Variants in QRFPR observed in about 807,000 individuals in gnomAD.
The protein encoded by QRFPR is pyroglutamylated RFamide peptide receptor, also known as pyroglutamylated RF-amide peptide receptor.
Under a neutral mutation model 31.3 loss-of-function variants are expected in QRFPR, and 37 were observed. That is an observed-to-expected ratio of 1.18 (90% confidence interval 0.91 to 1.56). The LOEUF is 1.56. Ranked by LOEUF, QRFPR falls within the 40% of genes most tolerant of loss-of-function variation. The pLI, the probability that QRFPR is intolerant of heterozygous loss-of-function variation, is 0.00. For missense variants in QRFPR, 542 were observed against 532.5 expected (o/e 1.02, Z -0.18); for synonymous variants, 197 against 192.0 (o/e 1.03, Z -0.22).
chr4:121,331,163 G>C (rs368877796), intron 4 of QRFPR, among the ~76,000 whole-genome samples: 10 of 139,034 alleles, frequency 7.2e-5, no homozygotes, highest in African/African-American at 2.4e-4. Context: ...ATATCTATAC[G>C]ATATATCTTG....
chr4:121,334,801 A>T (rs1394165588), intron 3 of QRFPR, among the ~76,000 whole-genome samples: 3 of 152,234 alleles, frequency 2.0e-5, no homozygotes, highest in Non-Finnish European at 1.5e-5. Context: ...AGCGGCAGTG[A>T]GAAATGCTGA....
At chr4:121,365,665 T>TATATATATTATATATATA (rs1560744329) in intron 1 of QRFPR, among the ~76,000 whole-genome samples, 45 of 19,020 alleles carry the variant, frequency 2.4e-3, no homozygotes, top group Non-Finnish European at 3.1e-3. Context: ...TTATATATAT[T>TATATATATTATATATATA]TTATATATTA....
chr4:121,365,635 TA>T (rs1726117361), intron 1 of QRFPR, among the ~76,000 whole-genome samples: 2 of 28,992 alleles, frequency 6.9e-5, no homozygotes, highest in South Asian at 1.3e-3. Context: ...ATATTATATA[TA>T]TATTTTATAT....
chr4:121,370,178 C>T (rs1338022540), intron 1 of QRFPR: 1 of 770,574 alleles, frequency 1.3e-6, no homozygotes, highest in African/African-American at 1.7e-5. Flanking sequence ...AAATCACTGG[C>T]TTCCAAGGGA....
In QRFPR at chr4:121,380,811, G is replaced by C; in HGVS notation, c.-164C>G. The C allele has an allele frequency of 1.6e-6, 1 of 618,488 alleles. No individual in the cohort carries two copies. Among genetic ancestry groups the C allele is most frequent in the South Asian group, 2.1e-5 (1 of 46,932 alleles). The allele number at this position is 618,488 out of a possible 1,614,324, so 38.3% of individuals were successfully genotyped here. A position where few individuals can be genotyped will look rare whatever the true frequency, so the allele number is the denominator to read the frequency against. On this transcript the variant is annotated 5_prime_UTR_variant, in exon 1 of 6. Transcript: ENST00000394427. ...CTAGGCTGCACCCCGGGAGGTTCGG[G>C]AAAGGAGAGCAGCTCAGGGATCAAA... is the stretch of plus-strand genomic sequence containing the variant.
intron 1 of QRFPR, among the ~76,000 whole-genome samples, chr4:121,365,599 TATAA>T (rs1438833839): frequency 0.041 from 314 of 7,684 alleles, 26 homozygotes; most frequent in Non-Finnish European, 0.047. Flanking sequence ...ATTATATATA[TATAA>T]TATATATATT....
At chr4:121,352,398 G>A (rs1003380209) in intron 1 of QRFPR, among the ~76,000 whole-genome samples, 2 of 151,898 alleles carry the variant, frequency 1.3e-5, no homozygotes, top group African/African-American at 4.8e-5. Flanking sequence ...TCCAAGCACT[G>A]CATCTCAAAA....
At chr4:121,331,847 T>C (rs1725333457) in intron 4 of QRFPR, among the ~76,000 whole-genome samples, 2 of 151,948 alleles carry the variant, frequency 1.3e-5, no homozygotes, top group Non-Finnish European at 2.9e-5. Context: ...GAGACAGAGT[T>C]TCACCATGTC....
rs150024315 is a variant in QRFPR at position 121,380,423 on chromosome 4, G to A, written c.225C>T (p.Ala75=). 1,417 of 1,614,232 alleles carry A rather than the reference G, an allele frequency of 8.8e-4. 13 individuals carry two copies. The African/African-American group carries it at 0.017, about 19-fold the overall frequency. The part of the protein sequence containing the change: ...LVFYVVTRSK[A]MRTVTNIFIC... ...TAAAGATGTTGGTGACGGTGCGCAT[G>A]GCCTTGCTGCGGGTCACCACGTAGA... Residue 75 remains alanine (A), a synonymous_variant, in exon 1 of 6, where the codon GCC becomes GCT. Coordinates refer to ENST00000394427, the MANE Select transcript of QRFPR (RefSeq NM_198179.3).
chr4:121,368,341 T>G (rs1726165916), intron 1 of QRFPR, among the ~76,000 whole-genome samples: 1 of 148,434 alleles, frequency 6.7e-6, no homozygotes, highest in East Asian at 2.0e-4. Flanking sequence ...TTAAAAAAGT[T>G]TAAGTCCATT....
At chr4:121,378,875 C>T (rs944154832) in intron 1 of QRFPR, among the ~76,000 whole-genome samples, 2 of 152,194 alleles carry the variant, frequency 1.3e-5, no homozygotes, top group Non-Finnish European at 2.9e-5. Context: ...ATTATTTTCA[C>T]CTTTACAAAT....
chr4:121,341,053 T>C (rs544504433), intron 1 of QRFPR, among the ~76,000 whole-genome samples: 34 of 152,204 alleles, frequency 2.2e-4, no homozygotes, highest in African/African-American at 8.2e-4. Context: ...TTATCATTTA[T>C]TCTCCTTTGA....
Position 121,340,590 on chromosome 4 carries a change from C to T in QRFPR, c.361G>A (p.Val121Met). The change falls in exon 2 of 6, where the codon GTG becomes ATG. Residue 121 changes from valine (V) to methionine (M), a missense_variant. Physicochemically the swap from Val to Met is conservative, Grantham distance 21. Transcript: ENST00000394427. ...ACAGCGGTAGACTGGACAAATGGCA[C>T]CATCTTGCAAATGAAAGCACCTGCA... ...WLGGAFICKM[V>M]PFVQSTAVVT... 6.2e-7 allele frequency: 1 copy of T among 1,613,624 alleles called. No individual in the cohort carries two copies. Among genetic ancestry groups the T allele is most frequent in the Non-Finnish European group, 8.5e-7 (1 of 1,179,710 alleles).
chr4:121,363,703 G>A (rs1040215958), intron 1 of QRFPR, among the ~76,000 whole-genome samples: 4 of 150,228 alleles, frequency 2.7e-5, no homozygotes, highest in Admixed American at 2.0e-4. Flanking sequence ...TAGAAAACCT[G>A]AAGACAAGTT....
chr4:121,369,718 A>G, intron 1 of QRFPR: 1 of 1,596,168 alleles, frequency 6.3e-7, no homozygotes, highest in Non-Finnish European at 8.6e-7. Context: ...CCCCACTTCC[A>G]GAGTCCATGG....
chr4:121,368,401 A>G (rs1726167323), intron 1 of QRFPR, among the ~76,000 whole-genome samples: 1 of 150,380 alleles, frequency 6.6e-6, no homozygotes, highest in Non-Finnish European at 1.5e-5. Flanking sequence ...GAAGCTTTTA[A>G]CCAAATTGCA....
intron 1 of QRFPR, among the ~76,000 whole-genome samples, chr4:121,359,247 G>T (rs1410096165): frequency 6.6e-6 from 1 of 152,184 alleles, no homozygotes; most frequent in Non-Finnish European, 1.5e-5. Flanking sequence ...GAAGACAGCT[G>T]ATGTGATGGT....
At chr4:121,334,734 T>G in intron 3 of QRFPR, 1 of 273,678 alleles carries the variant, frequency 3.7e-6, no homozygotes. Context: ...CTTCTATCAC[T>G]TGAAAATTGA....
intron 1 of QRFPR, among the ~76,000 whole-genome samples, chr4:121,354,014 C>G (rs1725815892): frequency 6.6e-6 from 1 of 151,962 alleles, no homozygotes; most frequent in Non-Finnish European, 1.5e-5. Flanking sequence ...AAATAAGTGA[C>G]TGCAAATGCA....
Sources: gnomAD v4.1 joint callset for allele counts (sites outside exome capture counted in the v4.1 genomes callset) on GRCh38, gnomAD v4.1.1 for gene constraint, MANE v1.5 for transcripts, NCBI Gene and HGNC (gene_info 2026-07-23, HGNC 2026-07-21) for gene names.